Variants in TNPO3 observed in about 807,000 individuals in gnomAD.
TNPO3 encodes transportin 3, also known as transportin-3.
TNPO3 carries 65 observed loss-of-function variants against 122.8 expected under a neutral mutation model. The ratio of observed to expected loss-of-function variants is 0.53; its 90% confidence interval spans 0.43 to 0.65. The LOEUF is 0.65. Ranked by LOEUF, TNPO3 falls within the 30% of genes least tolerant of loss-of-function variation. TNPO3 has a pLI of 0.00. For synonymous variants in TNPO3, 372 were observed against 411.2 expected, an observed-to-expected ratio of 0.90 and a Z score of 1.15; for missense variants, 850 against 1,136.7, an observed-to-expected ratio of 0.75 and a Z score of 3.63.
chr7:128,987,753 T>C (rs1162136372), intron 11 of TNPO3, among the ~76,000 whole-genome samples: 1 of 152,028 alleles, frequency 6.6e-6, no homozygotes, highest in Admixed American at 6.6e-5. Flanking sequence ...AATTTTTGTA[T>C]TTTTAGTAGA....
At chr7:128,974,560 G>A (rs371425516) in intron 18 of TNPO3, among the ~76,000 whole-genome samples, 3 of 152,230 alleles carry the variant, frequency 2.0e-5, no homozygotes, top group East Asian at 3.9e-4. Flanking sequence ...GCAACAGCAC[G>A]AACAGTTAAA....
intron 1 of TNPO3, among the ~76,000 whole-genome samples, chr7:129,039,992 C>T (rs1366193094): frequency 6.6e-6 from 1 of 152,180 alleles, no homozygotes; most frequent in South Asian, 2.1e-4. Context: ...TGGTGGCTCA[C>T]GCCTGTAATC....
chr7:129,002,721 A>G (rs1396943192), intron 5 of TNPO3, among the ~76,000 whole-genome samples: 1 of 152,090 alleles, frequency 6.6e-6, no homozygotes, highest in East Asian at 1.9e-4. Context: ...GATCGAGACC[A>G]TCCTGGCTAA....
chr7:128,977,672 C>G (rs967303465), intron 16 of TNPO3, among the ~76,000 whole-genome samples: 3 of 150,660 alleles, frequency 2.0e-5, no homozygotes, highest in African/African-American at 4.9e-5. Context: ...TCTCAGCTCA[C>G]TGCAACCTCC....
At chr7:129,003,780 G>A (rs1411037899) in intron 5 of TNPO3, among the ~76,000 whole-genome samples, 3 of 152,186 alleles carry the variant, frequency 2.0e-5, no homozygotes, top group Non-Finnish European at 4.4e-5. Flanking sequence ...TCTTACTAGT[G>A]ACAGAGGAGT....
chr7:128,985,283 T>A (rs1346876048), intron 12 of TNPO3, among the ~76,000 whole-genome samples: 1 of 152,212 alleles, frequency 6.6e-6, no homozygotes, highest in Non-Finnish European at 1.5e-5. Flanking sequence ...TTAATTCCTA[T>A]AGAAAAGTAT....
Position 128,972,532 on chromosome 7 carries a change from G to C in TNPO3, c.2324C>G (p.Pro775Arg), listed in dbSNP as rs1213604486. ...VTLLRSQVVI[P>R]ILQWAIASTT... is the part of the protein sequence containing the mutation. ...AGAGGCAATGGCCCACTGTAAGATA[G>C]GGATGACCACTTGGCTCCGCAGCAA... Residue 775 changes from proline (P) to arginine (R), a missense_variant, in exon 19 of 23, where the codon CCT (proline) becomes CGT (arginine). Transcript: ENST00000265388. The C allele has an allele frequency of 1.2e-6, 2 of 1,614,178 alleles. No individual in the cohort carries two copies. Among genetic ancestry groups the C allele is most frequent in the Non-Finnish European group, 1.7e-6 (2 of 1,180,016 alleles).
At chr7:129,002,785 G>A (rs1237161926) in intron 5 of TNPO3, among the ~76,000 whole-genome samples, 1 of 151,922 alleles carries the variant, frequency 6.6e-6, no homozygotes, top group Non-Finnish European at 1.5e-5. Flanking sequence ...GGGCGCGGTG[G>A]CTCACGCCTG....
rs1563116688 is a variant in TNPO3, at chr7:129,054,849, C to A, written c.-79G>T. On this transcript the variant is annotated 5_prime_UTR_variant, in exon 1 of 23. It adds an upstream start codon to the 5' untranslated region. Coordinates refer to ENST00000265388, the MANE Select transcript of TNPO3 (RefSeq NM_012470.4). ...CTCGGTTGCTCCGCCTTCGCGCTTCCTCACTGTCTGGGCCACGGCCGCTCC... is the reference window on the plus strand; with the variant it reads ...CTCGGTTGCTCCGCCTTCGCGCTTCATCACTGTCTGGGCCACGGCCGCTCC... 1.3e-6 allele frequency: 2 copies of A among 1,597,614 alleles called. No homozygotes were observed. The highest frequency in any genetic ancestry group is 1.7e-6 in the Non-Finnish European group (2 of 1,170,698).
intron 1 of TNPO3, among the ~76,000 whole-genome samples, chr7:129,019,209 G>A (rs1417849975): frequency 3.9e-5 from 6 of 152,016 alleles, no homozygotes; most frequent in Admixed American, 1.3e-4. Context: ...AAACAATATC[G>A]TGCAGTAGAT....
At chr7:129,008,102 T>A (rs1220817408) in intron 4 of TNPO3, among the ~76,000 whole-genome samples, 3 of 151,320 alleles carry the variant, frequency 2.0e-5, no homozygotes, top group Admixed American at 6.6e-5. Flanking sequence ...TGAGCTGAGA[T>A]TGCGCCATGG....
At chr7:129,028,089 G>C (rs1805475323) in intron 1 of TNPO3, among the ~76,000 whole-genome samples, 1 of 152,072 alleles carries the variant, frequency 6.6e-6, no homozygotes, top group East Asian at 1.9e-4. Context: ...AAAACCAATG[G>C]GTCAAGGAAG....
intron 11 of TNPO3, among the ~76,000 whole-genome samples, chr7:128,988,871 G>A (rs186325087): frequency 2.0e-4 from 30 of 152,260 alleles, no homozygotes; most frequent in Non-Finnish European, 4.0e-4. Context: ...TTGTGGTCAG[G>A]AGTTCGAGAC....
chr7:129,010,340 TA>T (rs1287710143), intron 4 of TNPO3, among the ~76,000 whole-genome samples: 1 of 152,232 alleles, frequency 6.6e-6, no homozygotes, highest in African/African-American at 2.4e-5. Context: ...GTTAATGTAT[TA>T]TTTTTTTTTT....
intron 5 of TNPO3, among the ~76,000 whole-genome samples, chr7:129,002,324 C>T (rs1802026223): frequency 6.6e-6 from 1 of 152,132 alleles, no homozygotes; most frequent in Non-Finnish European, 1.5e-5. Flanking sequence ...AGACAAGTCC[C>T]AAGATGACAG....
intron 1 of TNPO3, among the ~76,000 whole-genome samples, chr7:129,025,207 G>A (rs552424685): frequency 4.0e-5 from 6 of 150,530 alleles, no homozygotes; most frequent in East Asian, 2.0e-4. Flanking sequence ...AAAATTAGCC[G>A]GGCGTGGTGG....
In TNPO3 at chr7:128,954,506, A is replaced by C. The variant is rs1796724273; in HGVS notation, c.*911T>G. ...TTCACTAAGAAAAAAACCTTAAAAAACAAAAACTTACACATTTATATCCTG... is the reference window on the plus strand; with the variant it reads ...TTCACTAAGAAAAAAACCTTAAAAACCAAAAACTTACACATTTATATCCTG... On this transcript the variant is annotated 3_prime_UTR_variant, in exon 23 of 23. Coordinates refer to ENST00000265388, the MANE Select transcript of TNPO3 (RefSeq NM_012470.4). The C allele has an allele frequency of 6.6e-6, 1 of 152,224 alleles. No individual in the cohort carries two copies. The highest frequency in any genetic ancestry group is 6.5e-5 in the Admixed American group (1 of 15,288). The allele number at this position is 152,224 out of a possible 1,614,324, so 9.4% of individuals were successfully genotyped here. A position where few individuals can be genotyped will look rare whatever the true frequency, so the allele number is the denominator to read the frequency against.
chr7:128,972,916 T>C (rs1422086708), intron 18 of TNPO3, among the ~76,000 whole-genome samples: 2 of 151,986 alleles, frequency 1.3e-5, no homozygotes, highest in Non-Finnish European at 2.9e-5. Context: ...GGGATGCTAA[T>C]AGAGGGGAAG....
At chr7:129,018,495 T>C (rs1320098171) in intron 1 of TNPO3, among the ~76,000 whole-genome samples, 1 of 152,212 alleles carries the variant, frequency 6.6e-6, no homozygotes, top group Non-Finnish European at 1.5e-5. Flanking sequence ...TGTCACTGTA[T>C]AATTTCCAAT....
Sources: allele counts gnomAD v4.1 joint callset (sites outside exome capture counted in the v4.1 genomes callset), GRCh38; gene constraint gnomAD v4.1.1; transcripts MANE v1.5; gene names NCBI Gene and HGNC (gene_info 2026-07-23, HGNC 2026-07-21).